Variants in SEM1 observed in about 807,000 individuals in gnomAD.
SEM1 encodes SEM1 26S proteasome subunit, also known as 26S proteasome complex subunit SEM1.
A neutral mutation model predicts 12.7 loss-of-function variants in SEM1; 3 were observed. The ratio of observed to expected loss-of-function variants is 0.24; its 90% CI spans 0.11 to 0.61. SEM1 has a LOEUF of 0.61. Ranked by LOEUF, SEM1 falls within the 20% of genes least tolerant of loss-of-function variation. SEM1 has a pLI of 0.88. For synonymous variants in SEM1, 30 were observed against 27.8 expected (o/e 1.08, Z -0.25); for missense variants, 59 against 81.3 (o/e 0.73, Z 1.06).
intron 2 of SEM1, among the ~76,000 whole-genome samples, chr7:96,679,508 GA>G (rs991010192): frequency 1.3e-5 from 2 of 151,962 alleles, no homozygotes; most frequent in Non-Finnish European, 2.9e-5. Flanking sequence ...TCGATTTGTT[GA>G]AGTTATTGAG....
intron 2 of SEM1, chr7:96,673,868 C>G (rs1464611923): frequency 1.3e-6 from 1 of 764,750 alleles, no homozygotes; most frequent in African/African-American, 1.7e-5. Flanking sequence ...CCCTGGAAAA[C>G]AGACTTTGTG....
At chr7:96,530,822 G>T (rs1804616128) in intron 2 of SEM1, among the ~76,000 whole-genome samples, 1 of 152,070 alleles carries the variant, frequency 6.6e-6, no homozygotes, top group Admixed American at 6.6e-5. Flanking sequence ...CATGAGAAGA[G>T]TTGACACTGT....
chr7:96,632,787 T>G (rs1310106448), intron 2 of SEM1, among the ~76,000 whole-genome samples: 3 of 147,218 alleles, frequency 2.0e-5, no homozygotes, highest in African/African-American at 7.4e-5. Flanking sequence ...GTTTTTTGTT[T>G]TTTTTTTTTT....
At chr7:96,600,485 G>A (rs747336498) in intron 2 of SEM1, among the ~76,000 whole-genome samples, 4 of 152,076 alleles carry the variant, frequency 2.6e-5, no homozygotes, top group East Asian at 1.9e-4. Context: ...CAAGCATTTG[G>A]CATTTATTAT....
At chr7:96,553,295 G>C (rs564748111) in intron 2 of SEM1, among the ~76,000 whole-genome samples, 2 of 151,340 alleles carry the variant, frequency 1.3e-5, no homozygotes, top group African/African-American at 4.9e-5. Flanking sequence ...ATGGTAATGC[G>C]TAGGTTTTCT....
At chr7:96,555,401 G>C (rs543771575) in intron 2 of SEM1, among the ~76,000 whole-genome samples, 1 of 149,534 alleles carries the variant, frequency 6.7e-6, no homozygotes, top group Non-Finnish European at 1.5e-5. Context: ...CTTTGTTCTC[G>C]TTGGTTTCAA....
intron 2 of SEM1, among the ~76,000 whole-genome samples, chr7:96,554,946 A>G (rs1288670669): frequency 8.1e-6 from 1 of 122,808 alleles, no homozygotes; most frequent in East Asian, 2.5e-4. Context: ...GTGTCCAGAA[A>G]TTTATCCTTT....
intron 2 of SEM1, among the ~76,000 whole-genome samples, chr7:96,641,961 A>C (rs1808627096): frequency 1.3e-5 from 2 of 152,024 alleles, no homozygotes; most frequent in African/African-American, 4.8e-5. Context: ...GCATTGACGG[A>C]AATAATAATC....
intron 2 of SEM1, among the ~76,000 whole-genome samples, chr7:96,616,084 G>C (rs956686105): frequency 2.6e-5 from 4 of 151,986 alleles, no homozygotes; most frequent in Admixed American, 2.6e-4. Context: ...GGATCGAATG[G>C]TACTTCTATT....
At chr7:96,527,804 A>T (rs1279195020) in intron 2 of SEM1, among the ~76,000 whole-genome samples, 1 of 152,128 alleles carries the variant, frequency 6.6e-6, no homozygotes, top group Non-Finnish European at 1.5e-5. Flanking sequence ...TTCTCTCCTG[A>T]GTGCCATTCT....
chr7:96,615,680 TATACCC>T (rs999711340), intron 2 of SEM1, among the ~76,000 whole-genome samples: 72 of 152,352 alleles, frequency 4.7e-4, no homozygotes, highest in Middle Eastern at 3.4e-3. Context: ...TGGCTTTTAA[TATACCC>T]ATAACCCACA....
chr7:96,491,371 C>T (rs1258753562), intron 1 of SEM1, among the ~76,000 whole-genome samples: 3 of 152,200 alleles, frequency 2.0e-5, no homozygotes, highest in African/African-American at 7.2e-5. Context: ...AGGCTTTTAA[C>T]ATGTCTTACT....
intron 2 of SEM1, among the ~76,000 whole-genome samples, chr7:96,592,812 A>G (rs1211858893): frequency 1.3e-5 from 2 of 151,884 alleles, no homozygotes; most frequent in African/African-American, 4.8e-5. Flanking sequence ...ACCAGTTTTG[A>G]GGCATCGATT....
At chr7:96,527,362 T>C (rs552468928) in intron 2 of SEM1, among the ~76,000 whole-genome samples, 5 of 152,212 alleles carry the variant, frequency 3.3e-5, no homozygotes, top group African/African-American at 1.2e-4. Flanking sequence ...ACTTCTAATT[T>C]CTCTGGTTCC....
chr7:96,652,656 A>AAT (rs1809037374), intron 2 of SEM1, among the ~76,000 whole-genome samples: 2 of 152,218 alleles, frequency 1.3e-5, no homozygotes, highest in Admixed American at 1.3e-4. Context: ...AATCTAAGCT[A>AAT]CTTTAGGAAA....
At chr7:96,598,137 C>A (rs2116174381) in intron 2 of SEM1, among the ~76,000 whole-genome samples, 1 of 152,158 alleles carries the variant, frequency 6.6e-6, no homozygotes, top group African/African-American at 2.4e-5. Flanking sequence ...ATATGCTGAG[C>A]CAAACTATAA....
At chr7:96,607,142 G>A (rs563985018) in intron 2 of SEM1, among the ~76,000 whole-genome samples, 1 of 152,174 alleles carries the variant, frequency 6.6e-6, no homozygotes, top group Non-Finnish European at 1.5e-5. Flanking sequence ...AACTGCTCTA[G>A]GTGCTGAGGA....
intron 2 of SEM1, among the ~76,000 whole-genome samples, chr7:96,523,698 C>A (rs1443387031): frequency 6.6e-6 from 1 of 152,098 alleles, no homozygotes; most frequent in Non-Finnish European, 1.5e-5. Flanking sequence ...ATCTTTTCTA[C>A]CAGCTATCAT....
chr7:96,543,426 C>T (rs1258576587), intron 2 of SEM1, among the ~76,000 whole-genome samples: 1 of 151,808 alleles, frequency 6.6e-6, no homozygotes, highest in Non-Finnish European at 1.5e-5. Flanking sequence ...ACTATACATT[C>T]ACAAGCACAT....
Sources: gnomAD v4.1 joint callset for allele counts (sites outside exome capture counted in the v4.1 genomes callset) on GRCh38, gnomAD v4.1.1 for gene constraint, MANE v1.5 for transcripts, NCBI Gene and HGNC (gene_info 2026-07-23, HGNC 2026-07-21) for gene names.